Variants in FHIP2B observed in about 807,000 individuals in gnomAD.
FHIP2B encodes FHF complex subunit HOOK interacting protein 2B.
FHIP2B carries 72 observed loss-of-function variants against 84.0 expected under a neutral mutation model. That is an observed-to-expected ratio of 0.86 (90% CI 0.71 to 1.04). The LOEUF is 1.04. FHIP2B is among the 50% of genes least tolerant of loss of function. FHIP2B has a pLI of 0.00. For missense variants in FHIP2B, 972 were observed against 968.9 expected, an observed-to-expected ratio of 1.00 and a Z score of -0.04; for synonymous variants, 497 against 418.7, an observed-to-expected ratio of 1.19 and a Z score of -2.28.
At chr8:22,095,180 CTGGGGCT>C (rs1825694912) in intron 2 of FHIP2B, 1 of 152,378 alleles carries the variant, frequency 6.6e-6, no homozygotes, top group Non-Finnish European at 1.5e-5. Flanking sequence ...GGAGTTCATA[CTGGGGCT>C]TGATCCCAGC....
Position 22,099,790 on chromosome 8 carries a change from T to TG in FHIP2B, c.1240dup (p.Ala414GlyfsTer11). On this transcript the variant is annotated frameshift_variant, in exon 10 of 17. Coordinates refer to ENST00000289921, the MANE Select transcript of FHIP2B (RefSeq NM_022749.7). LOFTEE classifies it high-confidence loss of function. ...TCCCCTGCGCTGCTGCGGGAGGCCG[T>TG]GGCTTTCCTCCTGGGCACAGACCGG... 1 of 1,612,852 alleles carries TG rather than the reference T, an allele frequency of 6.2e-7. No homozygotes were observed. Among genetic ancestry groups the TG allele is most frequent in the Non-Finnish European group, 8.5e-7 (1 of 1,179,716 alleles).
rs1212330430 is a variant in FHIP2B at position 22,100,583 on chromosome 8, T to C, written c.1342-11T>C. 3 of 1,528,818 alleles carry C rather than the reference T, an allele frequency of 2.0e-6. No individual in the cohort carries two copies. The highest frequency in any genetic ancestry group is 2.1e-5 in the Admixed American group (1 of 47,496). 94.7% of individuals were successfully genotyped at this position (1,528,818 alleles called of 1,614,324 possible). A position where few individuals can be genotyped will look rare whatever the true frequency, so the allele number is the denominator to read the frequency against. ...GAAGGGGCTATCCTGCCGACCCCCTTCCTGCTCCAGATCAGCATCACCACA... is the reference window on the plus strand; with the variant it reads ...GAAGGGGCTATCCTGCCGACCCCCTCCCTGCTCCAGATCAGCATCACCACA... On this transcript the variant is annotated splice_polypyrimidine_tract_variant and intron_variant, in intron 10 of 16. Transcript: ENST00000289921.
In FHIP2B at chr8:22,100,718, C is replaced by G. The variant is rs762267736; in HGVS notation, c.1466C>G (p.Pro489Arg). The G allele has an allele frequency of 1.9e-6, 3 of 1,603,878 alleles. No homozygotes were observed. The highest frequency in any genetic ancestry group is 1.1e-5 in the South Asian group (1 of 89,922). ...RPYVAWGSPE[P>R]ESYEDTLDLE... ...TACGTGGCCTGGGGCTCACCAGAGC[C>G]TGAGAGCTATGAGGACACCCTGTAA... Residue 489 changes from proline to arginine, a missense_variant, in exon 11 of 17, where the codon CCT (proline) becomes CGT (arginine). Coordinates refer to ENST00000289921, the MANE Select transcript of FHIP2B (RefSeq NM_022749.7).
rs2131700272 is a variant in FHIP2B at position 22,096,338 on chromosome 8, T to A, written c.126T>A (p.Asp42Glu). The change falls in exon 3 of 17, where the codon GAT becomes GAA. Residue 42 changes from aspartate to glutamate, a missense_variant and splice_region_variant. Physicochemically the swap from Asp to Glu is conservative, Grantham distance 45. Transcript: ENST00000289921. ...CCCTTGTTTCCCAAACATCATTAGA[T>A]GAAAGCACCCCCGCCAAGAAGACAG... is the stretch of plus-strand genomic sequence containing the variant. ...GITHYYIEST[D>E]ESTPAKKTDI... is the part of the protein sequence containing the mutation. 1.3e-6 allele frequency: 2 copies of A among 1,550,316 alleles called. No individual in the cohort carries two copies. The highest frequency in any genetic ancestry group is 2.4e-5 in the South Asian group (2 of 83,034).
chr8:22,089,859 A>T (rs1008900804), intron 1 of FHIP2B: 48 of 1,274,356 alleles, frequency 3.8e-5, no homozygotes, highest in Non-Finnish European at 4.5e-5. Context: ...CGAAGGGTAA[A>T]GACCCGGGGC....
In FHIP2B at chr8:22,094,466, G is replaced by A. The variant is rs1825658266; in HGVS notation, c.72G>A (p.Gln24=). ...GCGAGCCCAGCATTGACCTGCTGCA[G>A]GCCTTCGTGGAGCACTGGAAGGGCA... is the stretch of plus-strand genomic sequence containing the variant. The part of the protein sequence containing the change: ...GAREPSIDLL[Q]AFVEHWKGIT... The change falls in exon 2 of 17, where the codon CAG becomes CAA. Residue 24 remains glutamine (Q), a synonymous_variant. Coordinates refer to ENST00000289921, the MANE Select transcript of FHIP2B (RefSeq NM_022749.7). 1 of 1,611,430 alleles carries A rather than the reference G, an allele frequency of 6.2e-7. No individual in the cohort carries two copies. The highest frequency in any genetic ancestry group is 8.5e-7 in the Non-Finnish European group (1 of 1,178,882).
In FHIP2B at chr8:22,102,330, G is replaced by A. The variant is rs1416984051; in HGVS notation, c.1992+15G>A. On this transcript the variant is annotated intron_variant, in intron 15 of 16. Transcript: ENST00000289921. ...TGTTGGTGAGGGTGAGGACGCCTCG[G>A]CCCAAGGGAGTGTGCCTAGTGAGGT... 1 of 1,554,174 alleles carries A rather than the reference G, an allele frequency of 6.4e-7. No individual in the cohort carries two copies. The highest frequency in any genetic ancestry group is 1.1e-5 in the South Asian group (1 of 90,392).
chr8:22,102,721 G>A, intron 16 of FHIP2B, 72 bp from the exon 17 acceptor site: 1 of 1,603,942 alleles, frequency 6.2e-7, no homozygotes, highest in Non-Finnish European at 8.5e-7. Flanking sequence ...CAAGCCTCGT[G>A]GATGCTGGGC....
intron 16 of FHIP2B, 59 bp downstream of exon 16, chr8:22,102,687 A>G: frequency 6.3e-7 from 1 of 1,581,244 alleles, no homozygotes; most frequent in South Asian, 1.1e-5. Flanking sequence ...GCGCCTCTGG[A>G]GGAGAGGTGG....
chr8:22,098,468 GT>G lies in FHIP2B; in HGVS notation c.815del (p.Val272GlyfsTer45). On this transcript the variant is annotated frameshift_variant, in exon 7 of 17. Transcript: ENST00000289921. LOFTEE classifies it high-confidence loss of function. Reference protein sequence around the residue: ...LKAQENLLLLVSMASPAAATY... With the variant: ...LKAQENLLLLXSMASPAAATY... ...GGCCCAGGAGAACCTGCTGCTCCTG[GT>G]GAGCATGGCCTCCCCAGCAGCTGCC... is the stretch of plus-strand genomic sequence containing the variant. 1 of 1,611,376 alleles carries G rather than the reference GT, an allele frequency of 6.2e-7. No individual in the cohort carries two copies. The highest frequency in any genetic ancestry group is 8.5e-7 in the Non-Finnish European group (1 of 1,178,356).
chr8:22,095,631 C>G (rs1294099187), intron 2 of FHIP2B: 2 of 152,264 alleles, frequency 1.3e-5, no homozygotes, highest in African/African-American at 4.8e-5. Flanking sequence ...GGTCCCTAGA[C>G]CAGAAGGGTT....
chr8:22,100,865 C>G lies in FHIP2B; in HGVS notation c.1509C>G (p.Tyr503Ter), dbSNP rs1359677322. 6.2e-7 allele frequency: 1 copy of G among 1,613,886 alleles called. No homozygotes were observed. The highest frequency in any genetic ancestry group is 1.1e-5 in the South Asian group (1 of 91,082). ...EDTLDLEEDP[Y>*]FTDSFLDSGF... Reference sequence around the variant, plus strand: ...ACAGAGACCTGGAGGAAGACCCCTACTTCACCGACAGCTTCCTGGATTCCG... The same window carrying G: ...ACAGAGACCTGGAGGAAGACCCCTAGTTCACCGACAGCTTCCTGGATTCCG... The change falls in exon 12 of 17, where the codon TAC becomes TAG. Residue 503 changes from tyrosine (Y) to a stop codon, truncating the protein, a stop_gained. Coordinates refer to ENST00000289921, the MANE Select transcript of FHIP2B (RefSeq NM_022749.7). LOFTEE classifies it high-confidence loss of function.
In FHIP2B at chr8:22,098,199, CT is replaced by C; in HGVS notation, c.658del (p.Cys220ValfsTer6). 1 of 1,579,816 alleles carries C rather than the reference CT, an allele frequency of 6.3e-7. No individual in the cohort carries two copies. The highest frequency in any genetic ancestry group is 8.6e-7 in the Non-Finnish European group (1 of 1,163,528). ...CCAGGCCCCAGCTGGACGGGGAGTC[CT>C]GTGGGGCCCAGGCCTTGAACAGCCA... ...PARPQLDGES[C>X]GAQALNSHMP... On this transcript the variant is annotated frameshift_variant, in exon 6 of 17. Coordinates refer to ENST00000289921, the MANE Select transcript of FHIP2B (RefSeq NM_022749.7). LOFTEE classifies it high-confidence loss of function.
intron 14 of FHIP2B, 58 bp downstream of exon 14, chr8:22,101,909 G>A (rs1409809022): frequency 1.9e-6 from 3 of 1,584,570 alleles, no homozygotes; most frequent in African/African-American, 1.3e-5. Context: ...GGTCCTTCAA[G>A]AGCAGAGGTT....
At position 22,097,527 on chromosome 8, in the gene FHIP2B, C is replaced by T. The variant is rs1365857122; in HGVS notation, c.309C>T (p.Gly103=). ...CTLGKAEYPP[G]MRQQVFQFFS... ...GTCCCTGGCCTCAGTACCCCCCAGGCATGCGGCAGCAGGTGTTCCAGTTCT... is the reference window on the plus strand; with the variant it reads ...GTCCCTGGCCTCAGTACCCCCCAGGTATGCGGCAGCAGGTGTTCCAGTTCT... Residue 103 remains glycine (G), a synonymous_variant, in exon 4 of 17, where the codon GGC becomes GGT. Transcript: ENST00000289921. 3 of 1,606,386 alleles carry T rather than the reference C, an allele frequency of 1.9e-6. No individual in the cohort carries two copies. Among genetic ancestry groups the T allele is most frequent in the Non-Finnish European group, 2.5e-6 (3 of 1,177,188 alleles).
At chr8:22,102,680 C>T (rs1826196742) in intron 16 of FHIP2B, 52 bp downstream of exon 16, 1 of 1,574,106 alleles carries the variant, frequency 6.4e-7, no homozygotes, top group Non-Finnish European at 8.6e-7. Flanking sequence ...GTGGAAAGCG[C>T]CTCTGGAGGA....
Position 22,089,215 on chromosome 8 carries a change from C to T in FHIP2B, c.-39C>T, listed in dbSNP as rs1586303001. 1 of 1,058,006 alleles carries T rather than the reference C, an allele frequency of 9.5e-7. No individual in the cohort carries two copies. Among genetic ancestry groups the T allele is most frequent in the Non-Finnish European group, 1.1e-6 (1 of 877,486 alleles). 65.5% of individuals were successfully genotyped at this position (1,058,006 alleles called of 1,614,324 possible). A position where few individuals can be genotyped will look rare whatever the true frequency, so the allele number is the denominator to read the frequency against. The stretch of plus-strand genomic sequence containing the variant: ...GCCTCCTCCGCCTAGAGCGCTGCCG[C>T]CGCCGCTTTCGCCCGGGAGCCGGGG... On this transcript the variant is annotated 5_prime_UTR_variant, in exon 1 of 17. Coordinates refer to ENST00000289921, the MANE Select transcript of FHIP2B (RefSeq NM_022749.7).
rs749442004 is a variant in FHIP2B at position 22,098,194 on chromosome 8, G to A, written c.652G>A (p.Glu218Lys). ...GAPARPQLDG[E>K]SCGAQALNSH... ...TCCTGCCAGGCCCCAGCTGGACGGG[G>A]AGTCCTGTGGGGCCCAGGCCTTGAA... Residue 218 changes from glutamate (E) to lysine (K), a missense_variant, in exon 6 of 17, where the codon GAG becomes AAG. Physicochemically the swap from Glu to Lys is moderately conservative, Grantham distance 56. Transcript: ENST00000289921. The A allele has an allele frequency of 6.3e-7, 1 of 1,578,884 alleles. No individual in the cohort carries two copies. The highest frequency in any genetic ancestry group is 8.6e-7 in the Non-Finnish European group (1 of 1,163,046).
Sources: allele counts gnomAD v4.1 joint callset, GRCh38; gene constraint gnomAD v4.1.1; transcripts MANE v1.5; gene names NCBI Gene and HGNC (gene_info 2026-07-23, HGNC 2026-07-21).